Variants in ANKRD28 observed in about 807,000 individuals in gnomAD.
ANKRD28 encodes the protein ankyrin repeat domain 28.
A neutral mutation model predicts 126.5 loss-of-function variants in ANKRD28; 44 were observed. That is an observed-to-expected ratio of 0.35 (90% CI 0.27 to 0.45). The LOEUF (loss-of-function observed/expected upper bound fraction) is 0.45, where lower values mean the gene tolerates loss of function less well. Among genes scored for constraint, ANKRD28 ranks in the 20% least tolerant of loss-of-function variants. The probability of loss-of-function intolerance (pLI) is 1.00; values close to 1 mark genes in which losing one functional copy is unlikely to be tolerated. For synonymous variants in ANKRD28, 442 were observed against 468.5 expected (o/e 0.94, Z 0.73); for missense variants, 1,110 against 1,316.6 (o/e 0.84, Z 2.43).
intron 2 of ANKRD28, among the ~76,000 whole-genome samples, chr3:15,783,040 T>A (rs753433224): frequency 5.8e-4 from 89 of 152,148 alleles, no homozygotes; most frequent in Non-Finnish European, 1.1e-3. Context: ...AGTTTTTTTT[T>A]AAGATACAAC....
chr3:15,714,561 A>AC lies in ANKRD28; in HGVS notation c.1075+16dup. On this transcript the variant is annotated intron_variant, in intron 9 of 27. Coordinates refer to ENST00000683139, the MANE Select transcript of ANKRD28 (RefSeq NM_001349278.2). ...AAAAAAAAAAAACCCCAAAAAAAAAACAGAAATACTTTTTACCACTCTGGA... is the reference window on the plus strand; with the variant it reads ...AAAAAAAAAAAACCCCAAAAAAAAAACCAGAAATACTTTTTACCACTCTGGA... 1 of 1,558,308 alleles carries AC rather than the reference A, an allele frequency of 6.4e-7. No individual in the cohort carries two copies. Among genetic ancestry groups the AC allele is most frequent in the African/African-American group, 1.4e-5 (1 of 71,428 alleles).
chr3:15,767,700 T>TAAAAAAAAAAAAAAAAA (rs57072807), intron 2 of ANKRD28, among the ~76,000 whole-genome samples: 1 of 64,360 alleles, frequency 1.6e-5, no homozygotes, highest in Non-Finnish European at 2.9e-5. Flanking sequence ...TAGTCTCTAC[T>TAAAAAAAAAAAAAAAAA]AAAAAAAAAA....
chr3:15,781,616 C>T (rs2059542480), intron 2 of ANKRD28: 1 of 151,996 alleles, frequency 6.6e-6, no homozygotes, highest in Non-Finnish European at 1.5e-5. Flanking sequence ...TCCAGTTGTT[C>T]GGCAGGCTAA....
rs150736467 is a variant in ANKRD28 at position 15,677,459 on chromosome 3, ATTC to A, written c.2790+18_2790+20del. 2,026 of 1,563,142 alleles carry A rather than the reference ATTC, an allele frequency of 1.3e-3. 21 individuals are homozygous for A. In the African/African-American group the frequency reaches 0.021, roughly 16 times the overall value. The stretch of plus-strand genomic sequence containing the variant: ...CTGTTAATATTAACAATGGAAACAT[ATTC>A]TTAAGATGTATACATACCTTGCTAC... On this transcript the variant is annotated intron_variant, in intron 25 of 27. Coordinates refer to ENST00000683139, the MANE Select transcript of ANKRD28 (RefSeq NM_001349278.2).
At chr3:15,705,182 C>G (rs1485200160) in intron 14 of ANKRD28, among the ~76,000 whole-genome samples, 1 of 152,112 alleles carries the variant, frequency 6.6e-6, no homozygotes, top group Non-Finnish European at 1.5e-5. Context: ...AAAGTCATTG[C>G]TTACTTGCTC....
chr3:15,731,486 T>C (rs2074592528), intron 6 of ANKRD28, among the ~76,000 whole-genome samples: 1 of 152,144 alleles, frequency 6.6e-6, no homozygotes, highest in Non-Finnish European at 1.5e-5. Flanking sequence ...CTACAGGCTG[T>C]GAGAAAGGGA....
chr3:15,834,604 A>T (rs1278966072), intron 1 of ANKRD28, among the ~76,000 whole-genome samples: 1 of 152,188 alleles, frequency 6.6e-6, no homozygotes, highest in Admixed American at 6.5e-5. Flanking sequence ...AATCATCATA[A>T]GGATTGTTTA....
rs185819771 is a variant in ANKRD28, at chr3:15,796,658, A to G, written c.-137T>C. ...GCACAGCTGGGTTTTTTTTTTTTTT[A>G]AAGTTAATAAGTACTACTGGAAAAA... is the stretch of plus-strand genomic sequence containing the variant. On this transcript the variant is annotated 5_prime_UTR_variant, in exon 1 of 28. Coordinates refer to ENST00000683139, the MANE Select transcript of ANKRD28 (RefSeq NM_001349278.2). The G allele has an allele frequency of 1.8e-6, 1 of 545,386 alleles. No homozygotes were observed. The highest frequency in any genetic ancestry group is 2.0e-5 in the African/African-American group (1 of 50,484). The allele number at this position is 545,386 out of a possible 1,614,324, so 33.8% of individuals were successfully genotyped here.
intron 1 of ANKRD28, among the ~76,000 whole-genome samples, chr3:15,844,831 C>T (rs1464935507): frequency 1.3e-5 from 2 of 152,064 alleles, no homozygotes; most frequent in Non-Finnish European, 2.9e-5. Flanking sequence ...TTGTATTAGT[C>T]GGTTCTCACA....
rs925167971 is a variant in ANKRD28, at chr3:15,814,078, A to G, written c.28-18772T>C. Among the ~76,000 whole-genome samples the G allele has an allele frequency of 2.0e-5, 3 of 152,216 alleles. No homozygotes were observed. Among genetic ancestry groups the G allele is most frequent in the Admixed American group, 1.3e-4 (2 of 15,288 alleles). On this transcript the variant is annotated intron_variant, in intron 1 of 27. Transcript: ENST00000399451. This position sits in a 1 kb window ranked among gnomAD's most constrained non-coding sequence, Gnocchi z 4.7. Reference sequence around the variant, plus strand: ...TTCCACTAACACAGGGTCCACTACTATAAATGTTTCTACAATAAAGGACTT... The same window carrying G: ...TTCCACTAACACAGGGTCCACTACTGTAAATGTTTCTACAATAAAGGACTT...
At chr3:15,689,176 T>C (rs912245353) in intron 18 of ANKRD28, among the ~76,000 whole-genome samples, 6 of 152,210 alleles carry the variant, frequency 3.9e-5, no homozygotes, top group Non-Finnish European at 7.3e-5. Context: ...TGGAAACTTT[T>C]GAAGAGCCAA....
intron 2 of ANKRD28, among the ~76,000 whole-genome samples, chr3:15,793,811 A>G (rs935270827): frequency 6.6e-5 from 10 of 152,194 alleles, no homozygotes; most frequent in Admixed American, 2.6e-4. Flanking sequence ...CACGCCTGTA[A>G]TCCCAGCACT....
At chr3:15,826,107 CAA>C (rs1424228251) in intron 1 of ANKRD28, among the ~76,000 whole-genome samples, 2 of 151,902 alleles carry the variant, frequency 1.3e-5, no homozygotes, top group East Asian at 1.9e-4. Context: ...AGAAACTGTA[CAA>C]AAAAAGATAC....
At chr3:15,728,925 A>G (rs1281437968) in intron 6 of ANKRD28, among the ~76,000 whole-genome samples, 3 of 152,228 alleles carry the variant, frequency 2.0e-5, no homozygotes, top group African/African-American at 7.2e-5. Flanking sequence ...TAAACAATCA[A>G]TGTTTTTATT....
chr3:15,757,140 A>G (rs1409650399), intron 3 of ANKRD28, among the ~76,000 whole-genome samples: 1 of 152,142 alleles, frequency 6.6e-6, no homozygotes, highest in African/African-American at 2.4e-5. Flanking sequence ...TAGTATTTTC[A>G]TTTTATTGCT....
Position 15,749,095 on chromosome 3 carries a change from G to GTTTTTTTTTTTTT in ANKRD28, c.351+2654_351+2655insAAAAAAAAAAAAA, listed in dbSNP as rs1357402514. On this transcript the variant is annotated intron_variant, in intron 4 of 27. Transcript: ENST00000683139. ...ATTTTCCTTTCATATTCTATATTAT[G>GTTTTTTTTTTTTT]TTTTTGTTTTTTTTTTTTTTTTTTT... Among the ~76,000 whole-genome samples, 152 of 106,974 alleles carry GTTTTTTTTTTTTT rather than the reference G, an allele frequency of 1.4e-3. 38 individuals are homozygous for GTTTTTTTTTTTTT. The highest frequency in any genetic ancestry group is 0.01 in the East Asian group (31 of 3,026). The allele number at this position is 106,974 out of a possible 152,430, so 70.2% of individuals were successfully genotyped here.
At chr3:15,757,000 T>C (rs924204803) in intron 3 of ANKRD28, among the ~76,000 whole-genome samples, 1 of 152,168 alleles carries the variant, frequency 6.6e-6, no homozygotes, top group Admixed American at 6.5e-5. Context: ...TTTTCTTCCA[T>C]CTCTGCAACC....
intron 2 of ANKRD28, among the ~76,000 whole-genome samples, chr3:15,794,436 T>C (rs949664027): frequency 1.3e-5 from 2 of 152,182 alleles, no homozygotes; most frequent in Non-Finnish European, 2.9e-5. Context: ...CACAGCGACT[T>C]TGTGAATCAT....
chr3:15,803,034 G>A (rs1294357445), intron 1 of ANKRD28, among the ~76,000 whole-genome samples: 1 of 152,192 alleles, frequency 6.6e-6, no homozygotes, highest in Non-Finnish European at 1.5e-5. Context: ...GCAATCATGA[G>A]GGACAATATC....
Sources: gnomAD v4.1 joint callset for allele counts (sites outside exome capture counted in the v4.1 genomes callset) on GRCh38, gnomAD v4.1.1 for gene constraint, Gnocchi (gnomAD v3.1) non-coding constraint, MANE v1.5 for transcripts, NCBI Gene and HGNC (gene_info 2026-07-23, HGNC 2026-07-21) for gene names.